The following KRT34 variants were observed in gnomAD, a reference collection of about 807,000 sequenced individuals.
KRT34 encodes the protein keratin, type I cuticular Ha4.
Under a neutral mutation model 41.7 loss-of-function variants are expected in KRT34, and 31 were observed. The observed-to-expected ratio is 0.74, with a 90% CI of 0.56 to 1.00. The LOEUF is 1.00. Among genes scored for constraint, KRT34 ranks in the 50% least tolerant of loss-of-function variants. KRT34 has a pLI of 0.00. For missense variants in KRT34, 523 were observed against 500.3 expected (o/e 1.05, Z -0.43); for synonymous variants, 224 against 212.9 (o/e 1.05, Z -0.45).
chr17:41,382,446 T>A (rs1226995816), upstream of KRT34: 3 of 1,226,748 alleles, frequency 2.4e-6, no homozygotes, highest in East Asian at 7.1e-5. Flanking sequence ...GAGTCCCCCC[T>A]CAACCCATAA....
chr17:41,381,312 A>G, intron 2 of KRT34, 100 bp from the exon 3 acceptor site: 1 of 1,272,908 alleles, frequency 7.9e-7, no homozygotes, highest in Non-Finnish European at 1.1e-6. Context: ...TTGAACTTAC[A>G]GTTTTCTGCC....
At chr17:41,382,935 CT>C (rs1243854506), upstream of KRT34, among the ~76,000 whole-genome samples, 1 of 152,076 alleles carries the variant, frequency 6.6e-6, no homozygotes, top group Non-Finnish European at 1.5e-5. Context: ...GGGAGTATAC[CT>C]AAAAGAGGGC....
intron 6 of KRT34, 59 bp downstream of exon 6, chr17:41,378,897 T>G: frequency 1.2e-6 from 2 of 1,602,518 alleles, no homozygotes; most frequent in East Asian, 2.2e-5. Flanking sequence ...CCACCATTTG[T>G]GTGCCTACAA....
In KRT34 at chr17:41,379,491, A is replaced by T. The variant is rs2017927802; in HGVS notation, c.751-13T>A. On this transcript the variant is annotated splice_polypyrimidine_tract_variant and intron_variant, in intron 4 of 6. Transcript: ENST00000394001. ...TCAGCTCCTCGGTCTGAAACACCCA[A>T]GTGGGGAAAGGATCAGACCCTGTCT... 2 of 1,614,222 alleles carry T rather than the reference A, an allele frequency of 1.2e-6. No individual in the cohort carries two copies. Among genetic ancestry groups the T allele is most frequent in the Non-Finnish European group, 1.7e-6 (2 of 1,180,040 alleles).
rs1375975965 is a variant in KRT34, at chr17:41,381,162, C to T, written c.482G>A (p.Ser161Asn). Residue 161 changes from serine to asparagine, a missense_variant, in exon 3 of 7, where the codon AGC becomes AAC. Ser to Asn is a conservative substitution (Grantham distance 46, BLOSUM62 1). Transcript: ENST00000394001. ...CAGCTCATCCAGGATCCTGCGTATG[C>T]TGTTGATGTCCGACTCCACCAACAG... ...LRLLVESDIN[S>N]IRRILDELTL... is the part of the protein sequence containing the mutation. The T allele has an allele frequency of 1.9e-6, 3 of 1,614,160 alleles. No homozygotes were observed. The highest frequency in any genetic ancestry group is 2.5e-6 in the Non-Finnish European group (3 of 1,180,014).
chr17:41,383,003 G>T (rs557513323), upstream of KRT34, among the ~76,000 whole-genome samples: 12 of 151,646 alleles, frequency 7.9e-5, no homozygotes, highest in African/African-American at 2.9e-4. Context: ...TGTAAATAAA[G>T]TTTTTGTTTG....
rs200198730 is a variant in KRT34 at position 41,379,426 on chromosome 17, C to T, written c.803G>A (p.Cys268Tyr). ...TCTCAGCTCGATGATCTCCGCCTGG[C>T]AGGACTGCAGCTGCTCTGAGCTGGA... ...VVSSSEQLQS[C>Y]QAEIIELRRT... Residue 268 changes from cysteine (C) to tyrosine (Y), a missense_variant, in exon 5 of 7, where the codon TGC (cysteine) becomes TAC (tyrosine). Physicochemically the swap from Cys to Tyr is radical, Grantham distance 194. Coordinates refer to ENST00000394001, the MANE Select transcript of KRT34 (RefSeq NM_001386014.1). 327 of 1,614,030 alleles carry T rather than the reference C, an allele frequency of 2.0e-4. No individual in the cohort carries two copies. Among genetic ancestry groups the T allele is most frequent in the African/African-American group, 1.4e-3 (106 of 75,038 alleles).
intron 3 of KRT34, among the ~76,000 whole-genome samples, chr17:41,380,518 G>A (rs898561398): frequency 1.3e-5 from 2 of 152,172 alleles, no homozygotes; most frequent in African/African-American, 4.8e-5. Context: ...CCACTTCTGT[G>A]TCTTTGTTCA....
Position 41,382,183 on chromosome 17 carries a change from C to T in KRT34, c.64G>A (p.Val22Met), listed in dbSNP as rs776698603. ...CRTSCSSRPC[V>M]PPSCHGYTLP... ...GTGTAGCCGTGGCAGCTGGGGGGCA[C>T]GCAGGGCCGGGAGGAGCAGCTGGTG... Residue 22 changes from valine to methionine, a missense_variant, in exon 1 of 7, where the codon GTG (valine) becomes ATG (methionine). Transcript: ENST00000394001. 25 of 1,612,206 alleles carry T rather than the reference C, an allele frequency of 1.6e-5. No homozygotes were observed. Among genetic ancestry groups the T allele is most frequent in the Middle Eastern group, 2.2e-4 (1 of 4,552 alleles).
upstream of KRT34, chr17:41,382,548 T>C (rs1475009504): frequency 1.6e-5 from 10 of 628,376 alleles, no homozygotes; most frequent in African/African-American, 1.8e-5. Flanking sequence ...TCATAGGAGA[T>C]AGAATCATCA....
chr17:41,379,759 C>G lies in KRT34; in HGVS notation c.589-28G>C, dbSNP rs188110560. ...GTTGGAGAAAAGGGAAACAATGAACCTACGGCAATGGATCTGCCATTTTCC... is the reference window on the plus strand; with the variant it reads ...GTTGGAGAAAAGGGAAACAATGAACGTACGGCAATGGATCTGCCATTTTCC... On this transcript the variant is annotated intron_variant, in intron 3 of 6. Coordinates refer to ENST00000394001, the MANE Select transcript of KRT34 (RefSeq NM_001386014.1). The G allele has an allele frequency of 2.0e-4, 311 of 1,569,082 alleles. No individual in the cohort carries two copies. In the African/African-American group the frequency reaches 3.8e-3, roughly 19 times the overall value.
In KRT34 at chr17:41,382,098, C is replaced by G; in HGVS notation, c.149G>C (p.Gly50Ala). Reference protein sequence around the residue: ...NVSNCNWFCEGSFNGSEKETM... With the variant: ...NVSNCNWFCEASFNGSEKETM... Reference sequence around the variant, plus strand: ...CTCCTTCTCGCTGCCATTGAAGGAGCCCTCACAGAACCAGTTGCAGTTGCT... The same window carrying G: ...CTCCTTCTCGCTGCCATTGAAGGAGGCCTCACAGAACCAGTTGCAGTTGCT... Residue 50 changes from glycine to alanine, a missense_variant, in exon 1 of 7, where the codon GGC becomes GCC. By Grantham distance (60) the Gly-to-Ala change is moderately conservative. Coordinates refer to ENST00000394001, the MANE Select transcript of KRT34 (RefSeq NM_001386014.1). 1 of 1,612,686 alleles carries G rather than the reference C, an allele frequency of 6.2e-7. No homozygotes were observed. Among genetic ancestry groups the G allele is most frequent in the Non-Finnish European group, 8.5e-7 (1 of 1,180,048 alleles).
chr17:41,378,939 A>G lies in KRT34; in HGVS notation c.1097+17T>C. 6.2e-7 allele frequency: 1 copy of G among 1,613,872 alleles called. No homozygotes were observed. The highest frequency in any genetic ancestry group is 8.5e-7 in the Non-Finnish European group (1 of 1,179,812). On this transcript the variant is annotated intron_variant, in intron 6 of 6. Coordinates refer to ENST00000394001, the MANE Select transcript of KRT34 (RefSeq NM_001386014.1). Reference sequence around the variant, plus strand: ...ACTGTACACATTCTTCCCAGACATTATTTGCCCCATACTCACTTGCAGTCC... The same window carrying G: ...ACTGTACACATTCTTCCCAGACATTGTTTGCCCCATACTCACTTGCAGTCC...
rs201874527 is a variant in KRT34, at chr17:41,378,022, T to A, written c.*37A>T. 6.8e-4 allele frequency: 1,003 copies of A among 1,482,136 alleles called. No homozygotes were observed. The highest frequency in any genetic ancestry group is 7.8e-4 in the South Asian group (68 of 87,508). 91.8% of individuals were successfully genotyped at this position (1,482,136 alleles called of 1,614,324 possible). A position where few individuals can be genotyped will look rare whatever the true frequency, so the allele number is the denominator to read the frequency against. On this transcript the variant is annotated 3_prime_UTR_variant, in exon 7 of 7. Coordinates refer to ENST00000394001, the MANE Select transcript of KRT34 (RefSeq NM_001386014.1). ...GGATCCTTCCTGTGGTTGATCTAAA[T>A]GGCTTTGTAGATGTCTTCAAAGAGG... is the stretch of plus-strand genomic sequence containing the variant.
chr17:41,381,346 C>A, intron 2 of KRT34, 134 bp from the exon 3 acceptor site: 1 of 948,028 alleles, frequency 1.1e-6, no homozygotes, highest in South Asian at 1.7e-5. Context: ...ATGCTTCAGT[C>A]AAGCTGTCCA....
chr17:41,381,624 T>C, intron 2 of KRT34, 89 bp downstream of exon 2: 1 of 1,141,352 alleles, frequency 8.8e-7, no homozygotes, highest in Non-Finnish European at 1.3e-6. Context: ...GGAGGAGAAA[T>C]AGAGAGAAAT....
At chr17:41,382,527 A>G, upstream of KRT34, 1 of 662,096 alleles carries the variant, frequency 1.5e-6, no homozygotes. Flanking sequence ...TCAGAGTTTC[A>G]TCAGATGGCT....
At position 41,381,766 on chromosome 17, in the gene KRT34, C is replaced by T. The variant is rs1269497293; in HGVS notation, c.378G>A (p.Arg126=). ...KILCAKAENA[R]LVVNIDNAKL... is the part of the protein sequence containing the mutation. Reference sequence around the variant, plus strand: ...TGGCATTGTCAATGTTCACCACCAGCCTGGCATTCTCAGCCTTGGCACACA... The same window carrying T: ...TGGCATTGTCAATGTTCACCACCAGTCTGGCATTCTCAGCCTTGGCACACA... Residue 126 remains arginine, a synonymous_variant, in exon 2 of 7, where the codon AGG becomes AGA. Coordinates refer to ENST00000394001, the MANE Select transcript of KRT34 (RefSeq NM_001386014.1). The T allele has an allele frequency of 1.9e-6, 3 of 1,614,224 alleles. No individual in the cohort carries two copies. The highest frequency in any genetic ancestry group is 2.5e-6 in the Non-Finnish European group (3 of 1,180,024).
chr17:41,378,951 C>T lies in KRT34; in HGVS notation c.1097+5G>A, dbSNP rs1488487814. ...CTTCCCAGACATTATTTGCCCCATA[C>T]TCACTTGCAGTCCTCACTCTCCAGG... On this transcript the variant is annotated splice_donor_5th_base_variant and intron_variant, in intron 6 of 6. Transcript: ENST00000394001. 3 of 1,613,966 alleles carry T rather than the reference C, an allele frequency of 1.9e-6. No homozygotes were observed. Among genetic ancestry groups the T allele is most frequent in the Admixed American group, 1.7e-5 (1 of 60,010 alleles).
Sources: gnomAD v4.1 joint callset for allele counts (sites outside exome capture counted in the v4.1 genomes callset) on GRCh38, gnomAD v4.1.1 for gene constraint, MANE v1.5 for transcripts, NCBI Gene and HGNC (gene_info 2026-07-23, HGNC 2026-07-21) for gene names.